Variants in VWDE observed in about 807,000 individuals in gnomAD.
VWDE encodes von Willebrand factor D and EGF domain-containing protein.
Under a neutral mutation model 178.4 loss-of-function variants are expected in VWDE, and 207 were observed. The ratio of observed to expected loss-of-function variants is 1.16; its 90% CI spans 1.04 to 1.30. The LOEUF (loss-of-function observed/expected upper bound fraction) is 1.30. Ranked by LOEUF, VWDE falls within the 50% of genes most tolerant of loss-of-function variation. The pLI, the probability that VWDE is intolerant of heterozygous loss-of-function variation, is 0.00. For synonymous variants in VWDE, 738 were observed against 651.4 expected, an observed-to-expected ratio of 1.13 and a Z score of -2.02; for missense variants, 2,287 against 1,901.3, an observed-to-expected ratio of 1.20 and a Z score of -3.77.
Position 12,389,348 on chromosome 7 carries a change from C to T in VWDE, c.254G>A (p.Cys85Tyr), listed in dbSNP as rs1167670232. 1 of 1,542,850 alleles carries T rather than the reference C, an allele frequency of 6.5e-7. No individual in the cohort carries two copies. Among genetic ancestry groups the T allele is most frequent in the East Asian group, 2.5e-5 (1 of 40,636 alleles). Residue 85 changes from cysteine (C) to tyrosine (Y), a missense_variant, in exon 3 of 29, where the codon TGT becomes TAT. Physicochemically the swap from Cys to Tyr is radical, Grantham distance 194. Coordinates refer to ENST00000275358, the MANE Select transcript of VWDE (RefSeq NM_001135924.3). ...MPTKCVEMNH[C>Y]GTQAPIWLSL... The stretch of plus-strand genomic sequence containing the variant: ...CAGCCAGATGGGGGCCTGAGTTCCA[C>T]AATGGTTCATCTTTTGCAGGAGAGA...
chr7:12,375,979 C>T (rs945779005), intron 7 of VWDE, among the ~76,000 whole-genome samples: 1 of 152,010 alleles, frequency 6.6e-6, no homozygotes, highest in African/African-American at 2.4e-5. Context: ...TTAATGATTC[C>T]AAAGTCCTCC....
At position 12,393,784 on chromosome 7, in the gene VWDE, A is replaced by T; in HGVS notation, c.59-6T>A. The T allele has an allele frequency of 6.5e-7, 1 of 1,532,304 alleles. No individual in the cohort carries two copies. The highest frequency in any genetic ancestry group is 8.8e-7 in the Non-Finnish European group (1 of 1,138,744). 94.9% of individuals were successfully genotyped at this position (1,532,304 alleles called of 1,614,324 possible). A position where few individuals can be genotyped will look rare whatever the true frequency, so the allele number is the denominator to read the frequency against. On this transcript the variant is annotated splice_polypyrimidine_tract_variant and splice_region_variant and intron_variant, in intron 1 of 28. Transcript: ENST00000275358. ...CCCAGGAGAGCACTCCTGAGCTAGTATGGAAAGACAGGTGTTTTTATGTAA... is the reference window on the plus strand; with the variant it reads ...CCCAGGAGAGCACTCCTGAGCTAGTTTGGAAAGACAGGTGTTTTTATGTAA...
At chr7:12,384,415 C>T (rs1783999430) in intron 3 of VWDE, among the ~76,000 whole-genome samples, 1 of 152,016 alleles carries the variant, frequency 6.6e-6, no homozygotes, top group South Asian at 2.1e-4. Context: ...ATGTTCCTAT[C>T]ATAGTGGATA....
In VWDE at chr7:12,331,606, C is replaced by G. The variant is rs999821495; in HGVS notation, c.4759-409G>C. On this transcript the variant is annotated intron_variant, in intron 28 of 28. Coordinates refer to ENST00000275358, the MANE Select transcript of VWDE (RefSeq NM_001135924.3). ...TCTATTGGATGTAATTAGTTACAAA[C>G]TCTTACATAGTGCTTGTTATGTCCC... is the stretch of plus-strand genomic sequence containing the variant. 2.6e-5 allele frequency among the ~76,000 whole-genome samples: 4 copies of G among 152,124 alleles called. 1 individual carries two copies. The highest frequency in any genetic ancestry group is 9.7e-5 in the African/African-American group (4 of 41,444).
chr7:12,343,119 A>T lies in VWDE; in HGVS notation c.4138T>A (p.Cys1380Ser), dbSNP rs1781417202. The T allele has an allele frequency of 6.5e-7, 1 of 1,549,980 alleles. No homozygotes were observed. Among genetic ancestry groups the T allele is most frequent in the South Asian group, 1.2e-5 (1 of 84,010 alleles). ...CTTGGTCCTACAAAACCATAAGGAC[A>T]AGTGCAGAGATTCCCAGCCAAGCAT... is the stretch of plus-strand genomic sequence containing the variant. Reference protein sequence around the residue: ...GTCLAGNLCTCPYGFVGPRCE... With the variant: ...GTCLAGNLCTSPYGFVGPRCE... The change falls in exon 22 of 29, where the codon TGT (cysteine) becomes AGT (serine). Residue 1380 changes from cysteine (C) to serine (S), a missense_variant. By Grantham distance (112) the Cys-to-Ser change is moderately radical (BLOSUM62 -1). Coordinates refer to ENST00000275358, the MANE Select transcript of VWDE (RefSeq NM_001135924.3).
chr7:12,331,167 A>G lies in VWDE; in HGVS notation c.*16T>C, dbSNP rs187504535. 3.2e-3 allele frequency: 4,916 copies of G among 1,537,302 alleles called. 14 individuals are homozygous for G. Among genetic ancestry groups the G allele is most frequent in the Non-Finnish European group, 3.8e-3 (4,292 of 1,138,240 alleles). ...TTCTTAAGATACAGGCTTGTAATTC[A>G]TATACTTGATGCTACTCAATGGCGT... On this transcript the variant is annotated 3_prime_UTR_variant, in exon 29 of 29. Transcript: ENST00000275358.
At chr7:12,343,988 G>C (rs2356171) in intron 21 of VWDE, among the ~76,000 whole-genome samples, 4,646 of 151,942 alleles carry the variant, frequency 0.031, 229 homozygotes, top group African/African-American at 0.1. Context: ...ATTGCCCCTT[G>C]AATCTCTGAT....
chr7:12,368,572 A>T (rs1000657675), intron 12 of VWDE, among the ~76,000 whole-genome samples: 2 of 152,118 alleles, frequency 1.3e-5, no homozygotes, highest in African/African-American at 4.8e-5. Context: ...GAAGAATGCT[A>T]GATGAATTCA....
intron 19 of VWDE, among the ~76,000 whole-genome samples, chr7:12,344,942 A>G (rs567891571): frequency 1.3e-5 from 2 of 152,224 alleles, no homozygotes; most frequent in African/African-American, 4.8e-5. Flanking sequence ...CCACAATGTT[A>G]ATCAGATCTA....
chr7:12,373,238 A>G lies in VWDE; in HGVS notation c.1326T>C (p.Asp442=). The part of the protein sequence containing the change: ...HIITFDGRVY[D]NFKTGTFVLY... ...GCACAAATGTTCCAGTCTTGAAATT[A>G]TCATATACCCTATCATTAACAAAAG... Residue 442 remains aspartate, a synonymous_variant, in exon 10 of 29, where the codon GAT becomes GAC. Transcript: ENST00000275358. 1.9e-6 allele frequency: 3 copies of G among 1,550,910 alleles called. No individual in the cohort carries two copies. Among genetic ancestry groups the G allele is most frequent in the Non-Finnish European group, 1.7e-6 (2 of 1,146,658 alleles).
rs571961499 is a variant in VWDE at position 12,374,337 on chromosome 7, C to G, written c.1316+352G>C. Among the ~76,000 whole-genome samples the G allele has an allele frequency of 9.1e-4, 139 of 151,990 alleles. 1 individual carries two copies. The highest frequency in any genetic ancestry group is 2.3e-3 in the East Asian group (12 of 5,172). On this transcript the variant is annotated intron_variant, in intron 9 of 28. Transcript: ENST00000275358. ...AATATGTTTAATCATTTTGCCTAAA[C>G]TTAAAGATTGTTTTATTATCATATG...
Position 12,375,078 on chromosome 7 carries a change from T to C in VWDE, c.1174A>G (p.Asn392Asp), listed in dbSNP as rs186650646. The change falls in exon 8 of 29, where the codon AAC (asparagine) becomes GAC (aspartate). Residue 392 changes from asparagine (N) to aspartate (D), a missense_variant. By Grantham distance (23) the Asn-to-Asp change is conservative. Coordinates refer to ENST00000275358, the MANE Select transcript of VWDE (RefSeq NM_001135924.3). ...TTAACTATTGGTTGCACTACAATGT[T>C]TGAGACTCTATCTCCATCTCGAGAA... The part of the protein sequence containing the change: ...DFSRDGDRVS[N>D]IVVQPIVNED... The C allele has an allele frequency of 6.4e-7, 1 of 1,551,348 alleles. No individual in the cohort carries two copies. The highest frequency in any genetic ancestry group is 1.2e-5 in the South Asian group (1 of 84,056).
chr7:12,399,066 T>TA (rs1300709026), intron 1 of VWDE, among the ~76,000 whole-genome samples: 7 of 151,822 alleles, frequency 4.6e-5, no homozygotes, highest in African/African-American at 7.3e-5. Flanking sequence ...AGATTTTTTT[T>TA]AAAAAAAATA....
chr7:12,375,232 T>G lies in VWDE; in HGVS notation c.1025-5A>C. 3 of 1,547,750 alleles carry G rather than the reference T, an allele frequency of 1.9e-6. No individual in the cohort carries two copies. The highest frequency in any genetic ancestry group is 2.6e-6 in the Non-Finnish European group (3 of 1,144,548). ...TTAAGCCTAGGTGCTCTCTACCTAT[T>G]TAATGAAAAAATAGGTTTAAAAATT... is the stretch of plus-strand genomic sequence containing the variant. On this transcript the variant is annotated splice_region_variant and splice_polypyrimidine_tract_variant and intron_variant, in intron 7 of 28. Transcript: ENST00000275358.
In VWDE at chr7:12,370,845, G is replaced by GC. The variant is rs2128555810; in HGVS notation, c.1606dup (p.Ala536GlyfsTer6). The GC allele has an allele frequency of 2.0e-6, 3 of 1,530,700 alleles. No individual in the cohort carries two copies. In the Admixed American group the frequency reaches 6.4e-5, roughly 33 times the overall value. The allele number at this position is 1,530,700 out of a possible 1,614,324, so 94.8% of individuals were successfully genotyped here. A position where few individuals can be genotyped will look rare whatever the true frequency, so the allele number is the denominator to read the frequency against. The stretch of plus-strand genomic sequence containing the variant: ...TTCACCAAGATCAGCACGGATAAAT[G>GC]CCCCAGAAGAAAACCAGATCTGAAA... On this transcript the variant is annotated frameshift_variant, in exon 11 of 29. Coordinates refer to ENST00000275358, the MANE Select transcript of VWDE (RefSeq NM_001135924.3). LOFTEE classifies it high-confidence loss of function.
At position 12,403,797 on chromosome 7, in the gene VWDE, C is replaced by T. The variant is rs1785033490; in HGVS notation, c.-81G>A. 2 of 1,434,072 alleles carry T rather than the reference C, an allele frequency of 1.4e-6. No individual in the cohort carries two copies. Among genetic ancestry groups the T allele is most frequent in the African/African-American group, 1.4e-5 (1 of 70,798 alleles). 88.8% of individuals were successfully genotyped at this position (1,434,072 alleles called of 1,614,324 possible). ...GGAGGATGGGGCCACAGCAGCCCCT[C>T]GGGCCTCCTTTCTTGGATTTTCTCA... On this transcript the variant is annotated 5_prime_UTR_variant, in exon 1 of 29. Coordinates refer to ENST00000275358, the MANE Select transcript of VWDE (RefSeq NM_001135924.3).
At position 12,393,791 on chromosome 7, in the gene VWDE, G is replaced by C. The variant is rs1460233165; in HGVS notation, c.59-13C>G. 2.0e-6 allele frequency: 3 copies of C among 1,522,254 alleles called. No individual in the cohort carries two copies. Among genetic ancestry groups the C allele is most frequent in the South Asian group, 2.5e-5 (2 of 78,878 alleles). 94.3% of individuals were successfully genotyped at this position (1,522,254 alleles called of 1,614,324 possible). A position where few individuals can be genotyped will look rare whatever the true frequency, so the allele number is the denominator to read the frequency against. On this transcript the variant is annotated splice_polypyrimidine_tract_variant and intron_variant, in intron 1 of 28. Coordinates refer to ENST00000275358, the MANE Select transcript of VWDE (RefSeq NM_001135924.3). ...GAGCACTCCTGAGCTAGTATGGAAA[G>C]ACAGGTGTTTTTATGTAATGTGTTT...
At chr7:12,354,724 G>T (rs6959090) in intron 18 of VWDE, among the ~76,000 whole-genome samples, 137,222 of 151,718 alleles carry the variant, frequency 0.9, 61,991 homozygotes, top group Admixed American at 0.93. Context: ...ATACGATTTT[G>T]TTTTTGTAAA....
chr7:12,334,312 C>T (rs188773878), intron 27 of VWDE, among the ~76,000 whole-genome samples: 211 of 152,066 alleles, frequency 1.4e-3, no homozygotes, highest in African/African-American at 4.9e-3. Flanking sequence ...TTCTTTCAAA[C>T]AATATTGAGT....
Sources: allele counts gnomAD v4.1 joint callset (sites outside exome capture counted in the v4.1 genomes callset), GRCh38; gene constraint gnomAD v4.1.1; transcripts MANE v1.5; gene names NCBI Gene and HGNC (gene_info 2026-07-23, HGNC 2026-07-21).